Variants in CNTN4 observed in about 807,000 individuals in gnomAD.
CNTN4 encodes the protein contactin 4.
In CNTN4, 77 loss-of-function variants were observed where a neutral mutation model predicts 122.5. The ratio of observed to expected loss-of-function variants is 0.63; its 90% confidence interval spans 0.52 to 0.76. The LOEUF is 0.76. CNTN4 is among the 30% of genes least tolerant of loss of function. The pLI is 0.00. For synonymous variants in CNTN4, 512 were observed against 447.0 expected (o/e 1.15, Z -1.83); for missense variants, 1,256 against 1,259.1 (o/e 1.00, Z 0.04).
At chr3:2,858,475 C>A (rs979632809) in intron 7 of CNTN4, among the ~76,000 whole-genome samples, 47 of 152,286 alleles carry the variant, frequency 3.1e-4, no homozygotes, top group Non-Finnish European at 6.0e-4. Flanking sequence ...CCTGTAATCC[C>A]AGTACTTTGG....
chr3:2,758,490 G>T (rs1288194475), intron 6 of CNTN4, among the ~76,000 whole-genome samples: 1 of 148,960 alleles, frequency 6.7e-6, no homozygotes, highest in Non-Finnish European at 1.5e-5. Context: ...CATTATGAAG[G>T]TGTTGCCTCT....
intron 6 of CNTN4, among the ~76,000 whole-genome samples, 197 bp downstream of exon 6, chr3:2,745,894 A>G (rs2089724919): frequency 6.6e-6 from 1 of 152,218 alleles, no homozygotes; most frequent in Non-Finnish European, 1.5e-5. Context: ...GTATTCTTCT[A>G]CTTCGATAAG....
intron 9 of CNTN4, 26 bp downstream of exon 9, chr3:2,883,273 C>T (rs372630569): frequency 3.9e-6 from 6 of 1,529,412 alleles, no homozygotes; most frequent in African/African-American, 1.4e-5. Context: ...CGTTCCTTCT[C>T]ATCCTCCCTT....
chr3:2,691,673 A>C (rs2085748356), intron 4 of CNTN4, among the ~76,000 whole-genome samples: 1 of 152,212 alleles, frequency 6.6e-6, no homozygotes, highest in African/African-American at 2.4e-5. Context: ...TATAGTAATT[A>C]GCATAACTAT....
chr3:2,376,688 TAA>T (rs11404151), intron 3 of CNTN4, among the ~76,000 whole-genome samples: 24 of 134,324 alleles, frequency 1.8e-4, no homozygotes, highest in Admixed American at 3.0e-4. Flanking sequence ...ACTTGTATGT[TAA>T]AAAAAAAAAA....
chr3:2,475,276 C>T (rs1356979170), intron 3 of CNTN4, among the ~76,000 whole-genome samples: 1 of 152,098 alleles, frequency 6.6e-6, no homozygotes, highest in Non-Finnish European at 1.5e-5. Flanking sequence ...GAAAAGGATG[C>T]CATTTGTTTT....
intron 3 of CNTN4, among the ~76,000 whole-genome samples, chr3:2,498,257 A>T (rs527466877): frequency 8.5e-5 from 13 of 152,286 alleles, no homozygotes; most frequent in Non-Finnish European, 1.8e-4. Flanking sequence ...TTATGGCAAC[A>T]TATTCATTAA....
At chr3:2,337,203 A>C (rs1410265361) in intron 2 of CNTN4, among the ~76,000 whole-genome samples, 1 of 152,126 alleles carries the variant, frequency 6.6e-6, no homozygotes, top group South Asian at 2.1e-4. Flanking sequence ...AAATGCATTC[A>C]TGATATGTTA....
At chr3:2,188,946 G>C (rs1288611147) in intron 2 of CNTN4, among the ~76,000 whole-genome samples, 1 of 152,144 alleles carries the variant, frequency 6.6e-6, no homozygotes, top group Non-Finnish European at 1.5e-5. Context: ...CCAAGTTCTT[G>C]AGAGTTGGGA....
chr3:2,206,762 A>G (rs529564432), intron 2 of CNTN4, among the ~76,000 whole-genome samples: 33 of 152,254 alleles, frequency 2.2e-4, no homozygotes, highest in African/African-American at 7.5e-4. Context: ...GATACTGTGA[A>G]GGAATTTTCT....
chr3:2,954,361 G>T (rs565369482), intron 13 of CNTN4, among the ~76,000 whole-genome samples: 14 of 152,290 alleles, frequency 9.2e-5, no homozygotes, highest in African/African-American at 3.1e-4. Context: ...ACTTGCAAAA[G>T]ATCAGTTACT....
At chr3:2,206,571 A>G (rs998817009) in intron 2 of CNTN4, among the ~76,000 whole-genome samples, 1 of 152,130 alleles carries the variant, frequency 6.6e-6, no homozygotes, top group East Asian at 1.9e-4. Context: ...TGATTCTAAG[A>G]CAGTGATACC....
intron 2 of CNTN4, among the ~76,000 whole-genome samples, chr3:2,220,662 A>C (rs2149488036): frequency 6.6e-6 from 1 of 152,254 alleles, no homozygotes; most frequent in South Asian, 2.1e-4. Flanking sequence ...CATCTGAAAA[A>C]AGGAAATAAT....
chr3:2,193,500 A>G (rs569706152), intron 2 of CNTN4, among the ~76,000 whole-genome samples: 1 of 152,332 alleles, frequency 6.6e-6, no homozygotes, highest in African/African-American at 2.4e-5. Context: ...TAGTAAAGAG[A>G]TGTGATAACT....
chr3:2,626,247 A>G (rs925512313), intron 4 of CNTN4, among the ~76,000 whole-genome samples: 1 of 152,132 alleles, frequency 6.6e-6, no homozygotes, highest in Non-Finnish European at 1.5e-5. Context: ...TTAAAAATCC[A>G]CAATCTAAGG....
intron 12 of CNTN4, among the ~76,000 whole-genome samples, chr3:2,915,079 T>C (rs947445291): frequency 2.0e-5 from 3 of 151,838 alleles, no homozygotes; most frequent in Non-Finnish European, 4.4e-5. Context: ...CATGTCTTTT[T>C]TGTTTGTTTG....
intron 3 of CNTN4, among the ~76,000 whole-genome samples, chr3:2,432,351 T>C (rs1316372062): frequency 6.6e-6 from 1 of 152,224 alleles, no homozygotes; most frequent in East Asian, 1.9e-4. Context: ...TATAAATGTG[T>C]ATTCTGTTGG....
intron 3 of CNTN4, among the ~76,000 whole-genome samples, chr3:2,486,168 CT>C (rs1316913498): frequency 1.3e-5 from 2 of 152,118 alleles, no homozygotes; most frequent in African/African-American, 4.8e-5. Flanking sequence ...CTGCGAAGGT[CT>C]GCAGTTTCAC....
rs148212563 is a variant in CNTN4 at position 2,303,380 on chromosome 3, C to T, written c.-144-35798C>T. Among the ~76,000 whole-genome samples the T allele has an allele frequency of 2.9e-4, 44 of 152,212 alleles. 2 individuals carry two copies. The highest frequency in any genetic ancestry group is 9.9e-4 in the African/African-American group (41 of 41,532). On this transcript the variant is annotated intron_variant, in intron 2 of 24. Coordinates refer to ENST00000418658, the MANE Select transcript of CNTN4 (RefSeq NM_175607.3). ...TCCACTCGTTTCCCCTATTCACTCCCCAACCCAGCTCTGGACAACCACTAA... is the reference window on the plus strand; with the variant it reads ...TCCACTCGTTTCCCCTATTCACTCCTCAACCCAGCTCTGGACAACCACTAA...
Sources: allele counts gnomAD v4.1 joint callset (sites outside exome capture counted in the v4.1 genomes callset), GRCh38; gene constraint gnomAD v4.1.1; transcripts MANE v1.5; gene names NCBI Gene and HGNC (gene_info 2026-07-23, HGNC 2026-07-21).